The following MYO1A variants were observed in gnomAD, a reference collection of about 807,000 sequenced individuals.
MYO1A encodes myosin IA.
Under a neutral mutation model 138.5 loss-of-function variants are expected in MYO1A, and 127 were observed. The ratio of observed to expected loss-of-function variants is 0.92; its 90% confidence interval spans 0.79 to 1.06. MYO1A has a LOEUF of 1.06. MYO1A is among the 50% of genes least tolerant of loss of function. MYO1A has a pLI of 0.00. For missense variants in MYO1A, 1,211 were observed against 1,288.8 expected (o/e 0.94, Z 0.92); for synonymous variants, 477 against 497.5 (o/e 0.96, Z 0.55).
chr12:57,048,629 G>A (rs2031225304), intron 1 of MYO1A, among the ~76,000 whole-genome samples: 1 of 152,162 alleles, frequency 6.6e-6, no homozygotes, highest in Admixed American at 6.5e-5. Context: ...GGGAAGGCAG[G>A]CACCCAGTGG....
rs2030987832 is a variant in MYO1A at position 57,044,123 on chromosome 12, T to C, written c.727A>G (p.Ser243Gly). 6.2e-7 allele frequency: 1 copy of C among 1,614,096 alleles called. No homozygotes were observed. The highest frequency in any genetic ancestry group is 1.3e-5 in the African/African-American group (1 of 74,932). ...GCACCCACCTGTACAGCCCTGAAGCTGGAGGCGTCGTCCATGCCATCCACT... is the reference window on the plus strand; with the variant it reads ...GCACCCACCTGTACAGCCCTGAAGCCGGAGGCGTCGTCCATGCCATCCACT... ...SRVDGMDDAS[S>G]FRAVQSAMAV... The change falls in exon 9 of 28, where the codon AGC becomes GGC. Residue 243 changes from serine to glycine, a missense_variant. Physicochemically the swap from Ser to Gly is moderately conservative, Grantham distance 56 (BLOSUM62 0). Transcript: ENST00000300119.
Position 57,029,567 on chromosome 12 carries a change from G to T in MYO1A, c.2745C>A (p.Leu915=). 1 of 1,614,246 alleles carries T rather than the reference G, an allele frequency of 6.2e-7. No individual in the cohort carries two copies. Among genetic ancestry groups the T allele is most frequent in the Non-Finnish European group, 8.5e-7 (1 of 1,180,038 alleles). ...TGAGAATCACATGGCCCTTGGTCAGGAGGAGAATCCGAGAAGAAGTCTAGG... is the reference window on the plus strand; with the variant it reads ...TGAGAATCACATGGCCCTTGGTCAGTAGGAGAATCCGAGAAGAAGTCTAGG... The part of the protein sequence containing the change: ...GNGKTSSRIL[L]LTKGHVILTD... Residue 915 remains leucine, a synonymous_variant, in exon 26 of 28, where the codon CTC becomes CTA. Transcript: ENST00000300119.
At chr12:57,048,696 G>A (rs2031228567) in intron 1 of MYO1A, among the ~76,000 whole-genome samples, 1 of 152,152 alleles carries the variant, frequency 6.6e-6, no homozygotes, top group Admixed American at 6.5e-5. Flanking sequence ...GGAGGAAAGT[G>A]TAAGCAAAGA....
chr12:57,029,803 G>C lies in MYO1A; in HGVS notation c.2661C>G (p.Gly887=). The C allele has an allele frequency of 3.1e-6, 5 of 1,614,078 alleles. No individual in the cohort carries two copies. Among genetic ancestry groups the C allele is most frequent in the Non-Finnish European group, 4.2e-6 (5 of 1,180,018 alleles). Residue 887 remains glycine (G), a synonymous_variant, in exon 25 of 28, where the codon GGC becomes GGG. Coordinates refer to ENST00000300119, the MANE Select transcript of MYO1A (RefSeq NM_005379.4). The stretch of plus-strand genomic sequence containing the variant: ...CCATCAGAACAGGCCCCTCCTCCCC[G>C]CCTTTCAGCTTCTGCAGCTTGGGGT... ...QGNPKLQKLK[G]GEEGPVLMAE... is the part of the protein sequence containing the mutation.
intron 22 of MYO1A, among the ~76,000 whole-genome samples, chr12:57,035,618 T>C (rs1297899262): frequency 1.3e-5 from 2 of 152,166 alleles, no homozygotes; most frequent in African/African-American, 4.8e-5. Context: ...TTCCCAAGGT[T>C]TCATTGGAAG....
At chr12:57,039,461 G>A (rs1592477392) in intron 14 of MYO1A, 187 bp from the exon 15 acceptor site, 3 of 631,608 alleles carry the variant, frequency 4.7e-6, no homozygotes, top group Non-Finnish European at 8.7e-6. Context: ...TGTGGGGTGG[G>A]TAGACAGACA....
chr12:57,029,223 C>CCAG lies in MYO1A; in HGVS notation c.2911_2913dup (p.Leu971dup). On this transcript the variant is annotated inframe_insertion, in exon 27 of 28. Transcript: ENST00000300119. ...AGCAGTTCAATCACATGCTCGCTGACCAGCAGGAAGTCCCCCTTGGAGCCC... is the reference window on the plus strand; with the variant it reads ...AGCAGTTCAATCACATGCTCGCTGACCAGCAGCAGGAAGTCCCCCTTGGAGCCC... 3 of 1,614,122 alleles carry CCAG rather than the reference C, an allele frequency of 1.9e-6. No individual in the cohort carries two copies. The highest frequency in any genetic ancestry group is 1.1e-5 in the South Asian group (1 of 91,074).
At position 57,041,458 on chromosome 12, in the gene MYO1A, C is replaced by G. The variant is rs2030855169; in HGVS notation, c.1138G>C (p.Asp380His). 15 of 1,613,850 alleles carry G rather than the reference C, an allele frequency of 9.3e-6. No homozygotes were observed. Among genetic ancestry groups the G allele is most frequent in the Non-Finnish European group, 1.3e-5 (15 of 1,179,760 alleles). ...GEKKKVMGVL[D>H]IYGFEILEDN... ...TCTAATATCTCAAAACCGTAGATAT[C>G]AAGGACTCCCATTACCTTCTTCTTT... is the stretch of plus-strand genomic sequence containing the variant. The change falls in exon 13 of 28, where the codon GAT becomes CAT. Residue 380 changes from aspartate (D) to histidine (H), a missense_variant. Transcript: ENST00000300119.
rs1047721068 is a variant in MYO1A at position 57,047,795 on chromosome 12, C to T, written c.231-74G>A. On this transcript the variant is annotated intron_variant, in intron 3 of 27. Transcript: ENST00000300119. ...ACCATCTTTCACTCAATCTCCAGCA[C>T]GCAGGTTCATCCACTCTCTCTACTT... The T allele has an allele frequency of 3.5e-5, 55 of 1,590,310 alleles. No individual in the cohort carries two copies. The African/African-American group carries it at 5.8e-4, about 17-fold the overall frequency.
chr12:57,037,158 C>A (rs1374896777), intron 19 of MYO1A, 67 bp from the exon 20 acceptor site: 33 of 1,586,634 alleles, frequency 2.1e-5, no homozygotes, highest in Non-Finnish European at 2.7e-5. Context: ...CTCTCCTATA[C>A]CCCACAGTAC....
At chr12:57,046,029 G>C (rs1391086384) in intron 8 of MYO1A, among the ~76,000 whole-genome samples, 2 of 152,166 alleles carry the variant, frequency 1.3e-5, no homozygotes, top group Non-Finnish European at 2.9e-5. Context: ...GTGTTCAAGA[G>C]ATGTTGAATG....
chr12:57,045,602 C>T (rs934829809), intron 8 of MYO1A, among the ~76,000 whole-genome samples: 16 of 152,160 alleles, frequency 1.1e-4, no homozygotes, highest in Non-Finnish European at 1.9e-4. Context: ...CTGAAGATCA[C>T]AGAGATCTCC....
At chr12:57,031,015 G>A in intron 23 of MYO1A, 25 bp downstream of exon 23, 2 of 1,612,188 alleles carry the variant, frequency 1.2e-6, no homozygotes, top group Middle Eastern at 1.9e-4. Context: ...CGAAATGAGA[G>A]GAGGGGTGCC....
intron 1 of MYO1A, among the ~76,000 whole-genome samples, chr12:57,048,700 G>A (rs2031228813): frequency 6.6e-6 from 1 of 152,120 alleles, no homozygotes; most frequent in Admixed American, 6.5e-5. Context: ...GAAAGTGTAA[G>A]CAAAGACTTG....
Position 57,048,099 on chromosome 12 carries a change from G to A in MYO1A, c.120C>T (p.Tyr40=). ...LRYENKEIYT[Y]IGNVVISVNP... ...TCACTGAGATCACCACATTCCCAAT[G>A]TAGGTCTGGAGCCAGGAAGAAGGTG... is the stretch of plus-strand genomic sequence containing the variant. Residue 40 remains tyrosine, a synonymous_variant, in exon 3 of 28, where the codon TAC becomes TAT. Transcript: ENST00000300119. The A allele has an allele frequency of 6.2e-7, 1 of 1,613,708 alleles. No individual in the cohort carries two copies. The highest frequency in any genetic ancestry group is 8.5e-7 in the Non-Finnish European group (1 of 1,179,558).
In MYO1A at chr12:57,031,041, T is replaced by C. The variant is rs2030254709; in HGVS notation, c.2483A>G (p.Lys828Arg). The C allele has an allele frequency of 2.5e-6, 4 of 1,613,800 alleles. No individual in the cohort carries two copies. The highest frequency in any genetic ancestry group is 1.7e-5 in the Admixed American group (1 of 60,016). Residue 828 changes from lysine (K) to arginine (R), a missense_variant and splice_region_variant, in exon 23 of 28, where the codon AAG becomes AGG. Physicochemically the swap from Lys to Arg is conservative, Grantham distance 26. Coordinates refer to ENST00000300119, the MANE Select transcript of MYO1A (RefSeq NM_005379.4). ...QELQQLFYQW[K>R]CKRFRDQLSP... The stretch of plus-strand genomic sequence containing the variant: ...GAGGGGTGCCTGGGCTCCACTTGCC[T>C]TCCACTGGTAGAAGAGCTGCTGCAG...
rs552127362 is a variant in MYO1A at position 57,048,756 on chromosome 12, C to G, written c.-20-413G>C. Among the ~76,000 whole-genome samples the G allele has an allele frequency of 1.1e-4, 16 of 152,260 alleles. No individual in the cohort carries two copies. In the East Asian group the frequency reaches 2.7e-3, roughly 26 times the overall value. ...AGCCCTCTCTCTCCTACAATGGGCCCTGGCCAGGGTCCAGACTCCCCATCT... is the reference window on the plus strand; with the variant it reads ...AGCCCTCTCTCTCCTACAATGGGCCGTGGCCAGGGTCCAGACTCCCCATCT... On this transcript the variant is annotated intron_variant, in intron 1 of 27. Coordinates refer to ENST00000300119, the MANE Select transcript of MYO1A (RefSeq NM_005379.4).
chr12:57,047,917 C>T (rs1009671719), intron 3 of MYO1A, 72 bp downstream of exon 3: 23 of 1,577,896 alleles, frequency 1.5e-5, no homozygotes, highest in Non-Finnish European at 1.9e-5. Flanking sequence ...GGGGAAGGGA[C>T]AAAGGAAATT....
chr12:57,033,306 C>G (rs2030373519), intron 22 of MYO1A, among the ~76,000 whole-genome samples: 1 of 152,176 alleles, frequency 6.6e-6, no homozygotes, highest in African/African-American at 2.4e-5. Flanking sequence ...TCCATGGCAA[C>G]TGACTCTTTA....
Sources: allele counts gnomAD v4.1 joint callset (sites outside exome capture counted in the v4.1 genomes callset), GRCh38; gene constraint gnomAD v4.1.1; transcripts MANE v1.5; gene names NCBI Gene and HGNC (gene_info 2026-07-23, HGNC 2026-07-21).